TMEM108: variants seen among roughly 807,000 people sequenced by gnomAD.
TMEM108 encodes transmembrane protein 108.
A neutral mutation model predicts 35.1 loss-of-function variants in TMEM108; 12 were observed. The ratio of observed to expected loss-of-function variants is 0.34; its 90% CI spans 0.22 to 0.55. TMEM108 has a LOEUF of 0.55. Among genes scored for constraint, TMEM108 ranks in the 20% least tolerant of loss-of-function variants. TMEM108 has a pLI of 0.89. For synonymous variants in TMEM108, 287 were observed against 308.6 expected (o/e 0.93, Z 0.73); for missense variants, 680 against 753.3 (o/e 0.90, Z 1.14).
intron 2 of TMEM108, among the ~76,000 whole-genome samples, chr3:133,164,826 T>G (rs983812976): frequency 6.6e-6 from 1 of 152,230 alleles, no homozygotes; most frequent in African/African-American, 2.4e-5. Flanking sequence ...GGTCTCATTT[T>G]TATTGAAAAA....
intron 1 of TMEM108, among the ~76,000 whole-genome samples, 173 bp from the exon 2 acceptor site, chr3:133,045,729 A>C (rs910135952): frequency 2.6e-5 from 4 of 152,200 alleles, no homozygotes; most frequent in Non-Finnish European, 5.9e-5. Context: ...CACCCCACCT[A>C]CATATTCACC....
chr3:133,249,619 G>A (rs1032018134), intron 3 of TMEM108, among the ~76,000 whole-genome samples: 5 of 152,204 alleles, frequency 3.3e-5, no homozygotes, highest in South Asian at 4.1e-4. Flanking sequence ...CTCCATCCAT[G>A]TTGCTGCAGA....
intron 2 of TMEM108, among the ~76,000 whole-genome samples, chr3:133,186,447 G>T (rs774449869): frequency 6.6e-6 from 1 of 152,184 alleles, no homozygotes; most frequent in Non-Finnish European, 1.5e-5. Context: ...ACAAAGCTGC[G>T]TAATGTAAAC....
chr3:133,295,088 A>G (rs1391134164), intron 3 of TMEM108, among the ~76,000 whole-genome samples: 1 of 152,218 alleles, frequency 6.6e-6, no homozygotes, highest in Non-Finnish European at 1.5e-5. Flanking sequence ...GATGAATTTA[A>G]ATAAAATTTG....
intron 3 of TMEM108, among the ~76,000 whole-genome samples, chr3:133,328,636 CAGATAGCAG>C (rs2071358977): frequency 6.6e-6 from 1 of 152,154 alleles, no homozygotes; most frequent in Non-Finnish European, 1.5e-5. Flanking sequence ...CATTTCCAGG[CAGATAGCAG>C]AGGTGGATTT....
chr3:133,116,909 AC>A (rs1944294840), intron 2 of TMEM108, among the ~76,000 whole-genome samples: 1 of 152,106 alleles, frequency 6.6e-6, no homozygotes, highest in Non-Finnish European at 1.5e-5. Context: ...AGCTGAGACT[AC>A]GGGCGTGCAC....
At chr3:133,266,936 C>T (rs1395471956) in intron 3 of TMEM108, among the ~76,000 whole-genome samples, 6 of 143,462 alleles carry the variant, frequency 4.2e-5, no homozygotes, top group East Asian at 4.0e-4. Flanking sequence ...AAAAAAAAGC[C>T]GGGCGTGGTG....
intron 3 of TMEM108, among the ~76,000 whole-genome samples, chr3:133,366,067 C>T (rs532344293): frequency 6.6e-6 from 1 of 152,288 alleles, no homozygotes; most frequent in Admixed American, 6.5e-5. Context: ...CTTTTAACCT[C>T]TCTGAACTTT....
intron 2 of TMEM108, among the ~76,000 whole-genome samples, chr3:133,212,832 A>T (rs192400032): frequency 5.9e-4 from 86 of 144,676 alleles, no homozygotes; most frequent in Admixed American, 1.1e-3. Context: ...GCACCACTGC[A>T]CTCCAGCCTG....
At position 133,365,098 on chromosome 3, in the gene TMEM108, G is replaced by A. The variant is rs148278721; in HGVS notation, c.41-14654G>A. On this transcript the variant is annotated intron_variant, in intron 3 of 5. Transcript: ENST00000321871. ...TTGAGCAAGGCAGCTTTCTTAATCT[G>A]AGGGCAATAGCTGAAGAGAAGTTCA... Among the ~76,000 whole-genome samples the A allele has an allele frequency of 4.3e-4, 66 of 152,316 alleles. 1 individual carries two copies. Among genetic ancestry groups the A allele is most frequent in the African/African-American group, 1.5e-3 (63 of 41,570 alleles).
chr3:133,386,241 T>C (rs999507644), intron 4 of TMEM108, among the ~76,000 whole-genome samples: 5 of 152,222 alleles, frequency 3.3e-5, no homozygotes, highest in Admixed American at 3.3e-4. Context: ...TATCTTAGCA[T>C]CTGCCATGGA....
intron 2 of TMEM108, among the ~76,000 whole-genome samples, chr3:133,219,483 G>A (rs964253359): frequency 6.6e-6 from 1 of 151,946 alleles, no homozygotes; most frequent in Non-Finnish European, 1.5e-5. Context: ...TTTTATTGCT[G>A]TAAATTTTCC....
At chr3:133,079,156 TTCC>T (rs1320415874) in intron 2 of TMEM108, among the ~76,000 whole-genome samples, 7 of 152,206 alleles carry the variant, frequency 4.6e-5, no homozygotes, top group African/African-American at 1.7e-4. Context: ...AACCATTTAT[TTCC>T]TCCTGGATTT....
rs556393644 is a variant in TMEM108, at chr3:133,300,491, G to A, written c.40+71140G>A. On this transcript the variant is annotated intron_variant, in intron 3 of 5. Coordinates refer to ENST00000321871, the MANE Select transcript of TMEM108 (RefSeq NM_023943.4). ...TGGTAAGAGTTGCAGACGTGGAAATGACTGTCATGAAGGAAGAAGTTTATA... is the reference window on the plus strand; with the variant it reads ...TGGTAAGAGTTGCAGACGTGGAAATAACTGTCATGAAGGAAGAAGTTTATA... Among the ~76,000 whole-genome samples, 84 of 152,284 alleles carry A rather than the reference G, an allele frequency of 5.5e-4. 1 individual carries two copies. The highest frequency in any genetic ancestry group is 2.4e-3 in the Admixed American group (37 of 15,300).
chr3:133,244,737 C>T lies in TMEM108; in HGVS notation c.40+15386C>T, dbSNP rs530073707. ...ATTTCCCGAAGTTCAAGGAATACTT[C>T]GAAAACGTAAAGTTCTGAAAACTAG... On this transcript the variant is annotated intron_variant, in intron 3 of 5. Transcript: ENST00000321871. 5.9e-5 allele frequency among the ~76,000 whole-genome samples: 9 copies of T among 152,270 alleles called. No homozygotes were observed. The East Asian group carries it at 1.2e-3, about 20-fold the overall frequency.
At chr3:133,214,699 G>T (rs1945880782) in intron 2 of TMEM108, among the ~76,000 whole-genome samples, 1 of 152,144 alleles carries the variant, frequency 6.6e-6, no homozygotes, top group Non-Finnish European at 1.5e-5. Flanking sequence ...GCCACAGACT[G>T]GTACCAGTCC....
At chr3:133,390,736 G>T (rs80120175) in intron 5 of TMEM108, among the ~76,000 whole-genome samples, 3 of 59,506 alleles carry the variant, frequency 5.0e-5, no homozygotes, top group African/African-American at 1.1e-4. Context: ...AAGCCAATTA[G>T]GGGAAACACA....
At chr3:133,089,519 G>GTGC (rs1227673076) in intron 2 of TMEM108, among the ~76,000 whole-genome samples, 3 of 152,276 alleles carry the variant, frequency 2.0e-5, no homozygotes, top group Middle Eastern at 3.4e-3. Context: ...GACTCATGTG[G>GTGC]TGCTCTATGG....
chr3:133,304,976 G>A (rs909975218), intron 3 of TMEM108, among the ~76,000 whole-genome samples: 1 of 152,054 alleles, frequency 6.6e-6, no homozygotes, highest in African/African-American at 2.4e-5. Context: ...CCAGCTACTC[G>A]GGAGGCTGAG....
Sources: allele counts gnomAD v4.1 joint callset (sites outside exome capture counted in the v4.1 genomes callset), GRCh38; gene constraint gnomAD v4.1.1; transcripts MANE v1.5; gene names NCBI Gene and HGNC (gene_info 2026-07-23, HGNC 2026-07-21).